Variants in GRM8 observed in about 807,000 individuals in gnomAD.
GRM8 encodes the protein metabotropic glutamate receptor 8.
In GRM8, 47 loss-of-function variants were observed where a neutral mutation model predicts 87.2. That is an observed-to-expected ratio of 0.54 (90% CI 0.43 to 0.69). The LOEUF is 0.69. GRM8 is among the 30% of genes least tolerant of loss of function. The pLI is 0.00. For synonymous variants in GRM8, 396 were observed against 404.5 expected (o/e 0.98, Z 0.25); for missense variants, 1,019 against 1,139.2 (o/e 0.89, Z 1.52).
chr7:127,080,022 T>C (rs1448050859), intron 3 of GRM8, among the ~76,000 whole-genome samples: 1 of 152,146 alleles, frequency 6.6e-6, no homozygotes. Flanking sequence ...GTGAATATGG[T>C]AGGTTACACT....
chr7:126,561,114 G>A (rs76035469), intron 8 of GRM8, among the ~76,000 whole-genome samples: 1 of 152,058 alleles, frequency 6.6e-6, no homozygotes, highest in Admixed American at 6.6e-5. Context: ...TTTCACTCAG[G>A]TTAACCATAA....
At chr7:126,469,980 A>T (rs1408087633) in intron 9 of GRM8, among the ~76,000 whole-genome samples, 1 of 152,082 alleles carries the variant, frequency 6.6e-6, no homozygotes, top group Non-Finnish European at 1.5e-5. Context: ...AATGGTTTTG[A>T]CCAAAATGCT....
intron 6 of GRM8, among the ~76,000 whole-genome samples, chr7:126,865,882 C>A (rs1321284116): frequency 1.3e-5 from 2 of 152,142 alleles, no homozygotes; most frequent in African/African-American, 4.8e-5. Flanking sequence ...ATGATGCTGT[C>A]ATGAATATTC....
intron 3 of GRM8, among the ~76,000 whole-genome samples, chr7:127,080,209 C>T (rs556138297): frequency 7.2e-5 from 11 of 152,200 alleles, no homozygotes; most frequent in African/African-American, 2.2e-4. Flanking sequence ...AAAAGACTCG[C>T]TTGATCATTG....
At position 126,731,479 on chromosome 7, in the gene GRM8, G is replaced by A. The variant is rs12056229; in HGVS notation, c.1357+38386C>T. On this transcript the variant is annotated intron_variant, in intron 7 of 10. Transcript: ENST00000339582. Reference sequence around the variant, plus strand: ...AGGAGAAATTGAAGTAATATTGGCCGAATATTCCCAATGGTAGTAAACAAA... The same window carrying A: ...AGGAGAAATTGAAGTAATATTGGCCAAATATTCCCAATGGTAGTAAACAAA... 4.3e-3 allele frequency among the ~76,000 whole-genome samples: 657 copies of A among 151,934 alleles called. 25 individuals are homozygous for A. In the East Asian group the frequency reaches 0.084, roughly 20 times the overall value.
intron 6 of GRM8, among the ~76,000 whole-genome samples, chr7:126,831,134 A>G (rs1333299671): frequency 2.0e-5 from 3 of 152,194 alleles, no homozygotes; most frequent in African/African-American, 7.2e-5. Context: ...CCTCCCAGTT[A>G]GGCTGCTTGG....
chr7:126,681,873 G>C (rs1807632362), intron 7 of GRM8, among the ~76,000 whole-genome samples: 1 of 152,124 alleles, frequency 6.6e-6, no homozygotes, highest in South Asian at 2.1e-4. Context: ...TTTAAACTTT[G>C]AAGGCTGTTT....
At chr7:126,923,413 G>A (rs73723526) in intron 3 of GRM8, among the ~76,000 whole-genome samples, 3,815 of 152,224 alleles carry the variant, frequency 0.025, 153 homozygotes, top group African/African-American at 0.086. Flanking sequence ...AGATATATCA[G>A]TAATTGGTTT....
chr7:126,783,875 G>A (rs1169522784), intron 6 of GRM8, among the ~76,000 whole-genome samples: 2 of 152,060 alleles, frequency 1.3e-5, no homozygotes, highest in African/African-American at 4.8e-5. Flanking sequence ...AGGAACCTGT[G>A]GCTATATTTC....
At chr7:126,584,852 AT>A (rs1171141891) in intron 8 of GRM8, among the ~76,000 whole-genome samples, 21 of 152,290 alleles carry the variant, frequency 1.4e-4, no homozygotes, top group Non-Finnish European at 2.5e-4. Context: ...AAAAAAAAAA[AT>A]CATAGTCATT....
intron 6 of GRM8, among the ~76,000 whole-genome samples, chr7:126,851,787 G>A (rs575875208): frequency 6.6e-6 from 1 of 152,194 alleles, no homozygotes; most frequent in South Asian, 2.1e-4. Flanking sequence ...TCCCACGCCT[G>A]ACATTTCCCC....
At chr7:126,986,504 CATA>C (rs1296069499) in intron 3 of GRM8, among the ~76,000 whole-genome samples, 5 of 152,162 alleles carry the variant, frequency 3.3e-5, no homozygotes, top group Non-Finnish European at 7.4e-5. Flanking sequence ...TTCTTTTCTT[CATA>C]ATAATGTCTG....
At chr7:126,460,675 A>G (rs1157094019) in intron 9 of GRM8, among the ~76,000 whole-genome samples, 1 of 151,578 alleles carries the variant, frequency 6.6e-6, no homozygotes, top group East Asian at 2.0e-4. Context: ...AAGCACCTAC[A>G]GGGCTTTAAG....
intron 2 of GRM8, among the ~76,000 whole-genome samples, chr7:127,155,230 G>A (rs1028769570): frequency 1.3e-5 from 2 of 152,130 alleles, no homozygotes; most frequent in Non-Finnish European, 2.9e-5. Context: ...AGTGCCACCT[G>A]TATCTTTGCC....
At chr7:127,023,427 A>G (rs1388433781) in intron 3 of GRM8, among the ~76,000 whole-genome samples, 1 of 152,090 alleles carries the variant, frequency 6.6e-6, no homozygotes, top group Non-Finnish European at 1.5e-5. Flanking sequence ...CCCTCATGTT[A>G]TTCATAGAAC....
intron 7 of GRM8, among the ~76,000 whole-genome samples, chr7:126,693,445 A>G (rs1809031518): frequency 6.6e-6 from 1 of 152,232 alleles, no homozygotes; most frequent in South Asian, 2.1e-4. Context: ...TTTGGTGTAT[A>G]TAAGTACAAT....
At chr7:127,212,538 C>T (rs897599210) in intron 2 of GRM8, among the ~76,000 whole-genome samples, 8 of 150,758 alleles carry the variant, frequency 5.3e-5, no homozygotes, top group African/African-American at 1.5e-4. Context: ...CTGCCTCAGC[C>T]TCCCAAGTAG....
chr7:127,171,309 A>T (rs1793786084), intron 2 of GRM8, among the ~76,000 whole-genome samples: 1 of 152,236 alleles, frequency 6.6e-6, no homozygotes, highest in African/African-American at 2.4e-5. Flanking sequence ...TATTGAAATG[A>T]CAACAAAGGA....
At chr7:127,080,289 C>A (rs962357552) in intron 3 of GRM8, among the ~76,000 whole-genome samples, 3 of 152,132 alleles carry the variant, frequency 2.0e-5, no homozygotes, top group African/African-American at 7.2e-5. Context: ...GAAAACAGAG[C>A]AAAATAGATT....
Sources: gnomAD v4.1 joint callset for allele counts (sites outside exome capture counted in the v4.1 genomes callset) on GRCh38, gnomAD v4.1.1 for gene constraint, MANE v1.5 for transcripts, NCBI Gene and HGNC (gene_info 2026-07-23, HGNC 2026-07-21) for gene names.